The following DGKB variants were observed in gnomAD, a reference collection of about 807,000 sequenced individuals.
The protein encoded by DGKB is diacylglycerol kinase beta, also known as 90 kDa diacylglycerol kinase.
In DGKB, 67 loss-of-function variants were observed where a neutral mutation model predicts 114.3. The observed-to-expected ratio is 0.59, with a 90% confidence interval of 0.48 to 0.72. The LOEUF (loss-of-function observed/expected upper bound fraction) is 0.72, where lower values mean the gene tolerates loss of function less well. DGKB is among the 30% of genes least tolerant of loss of function. DGKB has a pLI of 0.00. For synonymous variants in DGKB, 398 were observed against 323.1 expected, an observed-to-expected ratio of 1.23 and a Z score of -2.49; for missense variants, 907 against 975.2, an observed-to-expected ratio of 0.93 and a Z score of 0.93.
At chr7:14,159,340 G>C (rs539895245) in intron 25 of DGKB, among the ~76,000 whole-genome samples, 2 of 151,998 alleles carry the variant, frequency 1.3e-5, no homozygotes, top group East Asian at 3.9e-4. Flanking sequence ...GGTCAATTTT[G>C]AGTTTCTTTG....
intron 17 of DGKB, among the ~76,000 whole-genome samples, chr7:14,584,918 C>A (rs190030672): frequency 2.2e-3 from 328 of 152,172 alleles, no homozygotes; most frequent in African/African-American, 7.3e-3. Flanking sequence ...CCTTGGCCTC[C>A]CAAAGTGCTG....
intron 13 of DGKB, among the ~76,000 whole-genome samples, chr7:14,652,126 C>G (rs1425298975): frequency 7.6e-6 from 1 of 131,208 alleles, no homozygotes; most frequent in Non-Finnish European, 1.6e-5. Flanking sequence ...CAATGACTTT[C>G]TTCACAGAAT....
At chr7:14,561,284 G>GTGA (rs1796622594) in intron 20 of DGKB, among the ~76,000 whole-genome samples, 1 of 152,126 alleles carries the variant, frequency 6.6e-6, no homozygotes, top group Non-Finnish European at 1.5e-5. Flanking sequence ...TTTCTGCCAT[G>GTGA]ATAGTGAGGC....
chr7:14,541,331 C>G (rs1326220872), intron 20 of DGKB, among the ~76,000 whole-genome samples: 1 of 152,134 alleles, frequency 6.6e-6, no homozygotes, highest in Non-Finnish European at 1.5e-5. Context: ...TGAAGTGCTT[C>G]TAAACTGCAT....
chr7:14,508,496 T>C (rs981106524), intron 20 of DGKB, among the ~76,000 whole-genome samples: 5 of 152,200 alleles, frequency 3.3e-5, no homozygotes, highest in African/African-American at 1.2e-4. Context: ...GTGTTGATTT[T>C]AGAAGGAAAA....
intron 20 of DGKB, among the ~76,000 whole-genome samples, chr7:14,509,607 T>G (rs1391787424): frequency 2.6e-5 from 4 of 152,324 alleles, no homozygotes; most frequent in African/African-American, 9.6e-5. Flanking sequence ...ATATTAATCC[T>G]TTTCCTCATC....
At chr7:14,404,629 A>T (rs1472581444) in intron 21 of DGKB, among the ~76,000 whole-genome samples, 1 of 151,926 alleles carries the variant, frequency 6.6e-6, no homozygotes. Flanking sequence ...TTTTGAAACA[A>T]AACTTCCCAA....
In DGKB at chr7:14,887,560, A is replaced by G. The variant is rs147101122; in HGVS notation, c.-188+15032T>C. Among the ~76,000 whole-genome samples, 7 of 151,886 alleles carry G rather than the reference A, an allele frequency of 4.6e-5. 1 individual carries two copies. The East Asian group carries it at 1.4e-3, about 29-fold the overall frequency. On this transcript the variant is annotated intron_variant, in intron 1 of 25. Transcript: ENST00000402815. ...AACAACTCCCCTTAATTTCAGCCTC[A>G]TATAACCACTGTCTACTTAACATCA...
chr7:14,530,058 A>G (rs1791306997), intron 20 of DGKB, among the ~76,000 whole-genome samples: 1 of 151,626 alleles, frequency 6.6e-6, no homozygotes, highest in South Asian at 2.1e-4. Context: ...ATCATTACTG[A>G]AGTATTTCCT....
intron 2 of DGKB, among the ~76,000 whole-genome samples, chr7:14,821,915 T>C (rs1844995421): frequency 6.6e-6 from 1 of 152,114 alleles, no homozygotes; most frequent in Admixed American, 6.6e-5. Flanking sequence ...GGTGAAATTA[T>C]TTTAGATAGT....
At chr7:14,342,787 T>C (rs998971316) in intron 22 of DGKB, among the ~76,000 whole-genome samples, 5 of 151,848 alleles carry the variant, frequency 3.3e-5, no homozygotes, top group Non-Finnish European at 7.4e-5. Context: ...TAACTATTAT[T>C]CCATGATATT....
chr7:14,777,873 G>A (rs1048791316), intron 2 of DGKB, among the ~76,000 whole-genome samples: 1 of 152,124 alleles, frequency 6.6e-6, no homozygotes, highest in Non-Finnish European at 1.5e-5. Context: ...TTGCCCTTGA[G>A]CAAGTTTGAA....
At chr7:14,412,779 C>A (rs1023911655) in intron 21 of DGKB, among the ~76,000 whole-genome samples, 6 of 151,930 alleles carry the variant, frequency 3.9e-5, no homozygotes, top group Admixed American at 6.6e-5. Context: ...GTCAGGAGTT[C>A]GAGACCAGCC....
At chr7:14,206,894 A>G (rs1224424898) in intron 23 of DGKB, among the ~76,000 whole-genome samples, 2 of 152,052 alleles carry the variant, frequency 1.3e-5, no homozygotes, top group East Asian at 1.9e-4. Context: ...CTACATGACA[A>G]TGAGTAGTAA....
intron 20 of DGKB, among the ~76,000 whole-genome samples, chr7:14,516,972 A>C (rs1423450702): frequency 1.3e-5 from 2 of 152,154 alleles, no homozygotes; most frequent in Non-Finnish European, 2.9e-5. Context: ...ATTCATACAG[A>C]ACCAAAAAAG....
intron 23 of DGKB, among the ~76,000 whole-genome samples, chr7:14,288,166 C>T (rs1442574557): frequency 7.1e-6 from 1 of 141,820 alleles, no homozygotes; most frequent in Non-Finnish European, 1.5e-5. Context: ...ATACTTTGAA[C>T]TACCTGAACT....
chr7:14,241,475 A>G (rs1038677043), intron 23 of DGKB, among the ~76,000 whole-genome samples: 6 of 152,122 alleles, frequency 3.9e-5, no homozygotes, highest in African/African-American at 1.4e-4. Flanking sequence ...AAAACGACAT[A>G]TAAGTAATAA....
intron 1 of DGKB, among the ~76,000 whole-genome samples, chr7:14,931,015 T>G (rs1435329096): frequency 1.3e-5 from 2 of 152,210 alleles, no homozygotes; most frequent in Non-Finnish European, 2.9e-5. Context: ...ATTTATTAAT[T>G]TGTATATATG....
intron 25 of DGKB, among the ~76,000 whole-genome samples, chr7:14,165,690 G>A (rs1784522050): frequency 1.3e-5 from 2 of 152,110 alleles, no homozygotes; most frequent in Admixed American, 1.3e-4. Context: ...CATTTAAATG[G>A]TATTTGAAAT....
Sources: allele counts gnomAD v4.1 joint callset (sites outside exome capture counted in the v4.1 genomes callset), GRCh38; gene constraint gnomAD v4.1.1; transcripts MANE v1.5; gene names NCBI Gene and HGNC (gene_info 2026-07-23, HGNC 2026-07-21).